TUBB4B: variants seen among roughly 807,000 people sequenced by gnomAD.
The protein encoded by TUBB4B is tubulin beta 4B class IVb.
In TUBB4B, 7 loss-of-function variants were observed where a neutral mutation model predicts 34.3. The observed-to-expected ratio is 0.20, with a 90% CI of 0.12 to 0.38. TUBB4B has a LOEUF of 0.38. Ranked by LOEUF, TUBB4B falls within the 10% of genes least tolerant of loss-of-function variation. The pLI, the probability that TUBB4B is intolerant of heterozygous loss-of-function variation, is 1.00. For missense variants in TUBB4B, 178 were observed against 610.9 expected (o/e 0.29, Z 7.47); for synonymous variants, 390 against 250.2 (o/e 1.56, Z -5.27).
chr9:137,243,103 T>C lies in TUBB4B; in HGVS notation c.885T>C (p.Asp295=), dbSNP rs1836790564. The change falls in exon 4 of 4, where the codon GAT becomes GAC. Residue 295 remains aspartate (D), a synonymous_variant. Transcript: ENST00000340384. ...TVPELTQQMF[D]AKNMMAACDP... is the part of the protein sequence containing the mutation. ...CCGAGCTCACCCAGCAGATGTTTGA[T>C]GCCAAGAACATGATGGCTGCCTGCG... The C allele has an allele frequency of 6.2e-7, 1 of 1,612,998 alleles. No individual in the cohort carries two copies. Among genetic ancestry groups the C allele is most frequent in the Non-Finnish European group, 8.5e-7 (1 of 1,180,024 alleles).
chr9:137,241,561 C>T (rs1337116350), intron 1 of TUBB4B, 144 bp downstream of exon 1: 3 of 850,476 alleles, frequency 3.5e-6, no homozygotes, highest in Non-Finnish European at 2.9e-6. Flanking sequence ...CCGAGCCGGG[C>T]GACCGAAGCC....
rs1233590806 is a variant in TUBB4B at position 137,241,300 on chromosome 9, C to G, written c.-61C>G. The G allele has an allele frequency of 3.8e-6, 6 of 1,562,668 alleles. No homozygotes were observed. The highest frequency in any genetic ancestry group is 4.8e-5 in the East Asian group (2 of 41,712). The stretch of plus-strand genomic sequence containing the variant: ...AGCGTCGGTTGTAGCACTCTGCGCG[C>G]CCGCTCTTCTGCTGCTGTTTGTCTA... On this transcript the variant is annotated 5_prime_UTR_variant, in exon 1 of 4. Transcript: ENST00000340384.
chr9:137,243,190 G>A lies in TUBB4B; in HGVS notation c.972G>A (p.Lys324=), dbSNP rs747074678. The A allele has an allele frequency of 3.1e-6, 5 of 1,613,206 alleles. No homozygotes were observed. The highest frequency in any genetic ancestry group is 4.5e-5 in the East Asian group (2 of 44,896). The change falls in exon 4 of 4, where the codon AAG becomes AAA. Residue 324 remains lysine (K), a synonymous_variant. Transcript: ENST00000340384. The part of the protein sequence containing the change: ...AAVFRGRMSM[K]EVDEQMLNVQ... ...TGTTCAGGGGCCGCATGTCCATGAA[G>A]GAGGTGGATGAGCAAATGCTTAATG...
rs560196989 is a variant in TUBB4B, at chr9:137,243,685, A to C, written c.*129A>C. 1.6e-5 allele frequency: 26 copies of C among 1,614,062 alleles called. No individual in the cohort carries two copies. The highest frequency in any genetic ancestry group is 1.5e-4 in the South Asian group (14 of 91,066). The stretch of plus-strand genomic sequence containing the variant: ...TCCACATCCATGCTGTACAGACACC[A>C]CCATTAAAGCATTTTCATAGTGTGT... On this transcript the variant is annotated 3_prime_UTR_variant, in exon 4 of 4. Transcript: ENST00000340384.
At position 137,241,818 on chromosome 9, in the gene TUBB4B, A is replaced by G. The variant is rs746556937; in HGVS notation, c.155A>G (p.Asn52Ser). 8.7e-6 allele frequency: 14 copies of G among 1,612,126 alleles called. No homozygotes were observed. Among genetic ancestry groups the G allele is most frequent in the African/African-American group, 1.3e-5 (1 of 74,882 alleles). Residue 52 changes from asparagine to serine, a missense_variant, in exon 2 of 4, where the codon AAT becomes AGT. Coordinates refer to ENST00000340384, the MANE Select transcript of TUBB4B (RefSeq NM_006088.6). ...CTGGAACGCATCAACGTGTACTACA[A>G]TGAGGCCACCGGTGAGGCCCCGGCC... ...LQLERINVYY[N>S]EATGGKYVPR...
At chr9:137,242,355 G>C in intron 3 of TUBB4B, 141 bp from the exon 4 acceptor site, 1 of 1,031,592 alleles carries the variant, frequency 9.7e-7, no homozygotes, top group Non-Finnish European at 1.4e-6. Flanking sequence ...GCCGTCTTTT[G>C]GCTTTGAAGG....
Position 137,242,905 on chromosome 9 carries a change from G to A in TUBB4B, c.687G>A (p.Val229=), listed in dbSNP as rs139773042. 44 of 1,613,152 alleles carry A rather than the reference G, an allele frequency of 2.7e-5. No individual in the cohort carries two copies. The South Asian group carries it at 3.4e-4, about 12-fold the overall frequency. The change falls in exon 4 of 4, where the codon GTG becomes GTA. Residue 229 remains valine, a synonymous_variant. Transcript: ENST00000340384. ...TPTYGDLNHL[V]SATMSGVTTC... is the part of the protein sequence containing the mutation. ...CCTATGGTGACCTGAACCACCTGGTGTCTGCTACCATGAGTGGGGTCACCA... is the reference window on the plus strand; with the variant it reads ...CCTATGGTGACCTGAACCACCTGGTATCTGCTACCATGAGTGGGGTCACCA...
At position 137,241,948 on chromosome 9, in the gene TUBB4B, G is replaced by A. The variant is rs904782014; in HGVS notation, c.204G>A (p.Leu68=). 14 of 1,611,536 alleles carry A rather than the reference G, an allele frequency of 8.7e-6. No homozygotes were observed. In the Admixed American group the frequency reaches 1.3e-4, roughly 15 times the overall value. The change falls in exon 3 of 4, where the codon CTG becomes CTA. Residue 68 remains leucine (L), a synonymous_variant. Coordinates refer to ENST00000340384, the MANE Select transcript of TUBB4B (RefSeq NM_006088.6). ...TGCCCCGCGCCGTGCTCGTGGATCT[G>A]GAGCCCGGCACCATGGACTCCGTGC... The part of the protein sequence containing the change: ...KYVPRAVLVD[L]EPGTMDSVRS...
At chr9:137,242,414 T>C (rs998130126) in intron 3 of TUBB4B, 82 bp from the exon 4 acceptor site, 29 of 1,517,372 alleles carry the variant, frequency 1.9e-5, no homozygotes, top group Admixed American at 1.3e-4. Flanking sequence ...GCTCACACCA[T>C]GTCACTCGGC....
rs372125446 is a variant in TUBB4B, at chr9:137,242,479, G to A, written c.278-17G>A. On this transcript the variant is annotated splice_polypyrimidine_tract_variant and intron_variant, in intron 3 of 3. Transcript: ENST00000340384. ...TGTCTACCTGGCTGACAAATGATTA[G>A]CTGTGTTCTCTCACAGGTCAGAGTG... 3 of 1,607,622 alleles carry A rather than the reference G, an allele frequency of 1.9e-6. No homozygotes were observed. The highest frequency in any genetic ancestry group is 1.1e-5 in the South Asian group (1 of 90,560).
chr9:137,242,473 T>C (rs758149907), intron 3 of TUBB4B, 23 bp from the exon 4 acceptor site: 5 of 1,603,822 alleles, frequency 3.1e-6, no homozygotes, highest in East Asian at 4.5e-5. Flanking sequence ...GGCTGACAAA[T>C]GATTAGCTGT....
chr9:137,242,344 T>C, intron 3 of TUBB4B, 152 bp from the exon 4 acceptor site: 1 of 923,672 alleles, frequency 1.1e-6, no homozygotes, highest in South Asian at 1.7e-5. Context: ...CAGGGCAGGC[T>C]GCCGTCTTTT....
At chr9:137,242,116 G>T in intron 3 of TUBB4B, 95 bp downstream of exon 3, 2 of 1,238,984 alleles carry the variant, frequency 1.6e-6, no homozygotes, top group Non-Finnish European at 2.2e-6. Flanking sequence ...GCCCCTGGAC[G>T]CCCTCCTCTT....
At position 137,241,334 on chromosome 9, in the gene TUBB4B, T is replaced by G. The variant is rs1358168718; in HGVS notation, c.-27T>G. The stretch of plus-strand genomic sequence containing the variant: ...CTGCTGCTGTTTGTCTACTTCCTCC[T>G]GCTTCCCCGCCGCCGCCGCCGCCAT... On this transcript the variant is annotated 5_prime_UTR_variant, in exon 1 of 4. Coordinates refer to ENST00000340384, the MANE Select transcript of TUBB4B (RefSeq NM_006088.6). 1 of 1,590,854 alleles carries G rather than the reference T, an allele frequency of 6.3e-7. No individual in the cohort carries two copies. The highest frequency in any genetic ancestry group is 2.3e-5 in the East Asian group (1 of 43,624).
In TUBB4B at chr9:137,242,990, G is replaced by A; in HGVS notation, c.772G>A (p.Val258Ile). 1 of 1,612,890 alleles carries A rather than the reference G, an allele frequency of 6.2e-7. No homozygotes were observed. Among genetic ancestry groups the A allele is most frequent in the Non-Finnish European group, 8.5e-7 (1 of 1,179,998 alleles). The part of the protein sequence containing the change: ...ADLRKLAVNM[V>I]PFPRLHFFMP... ...CCTGCGGAAGCTGGCTGTGAACATG[G>A]TCCCGTTTCCCCGGCTGCACTTCTT... The change falls in exon 4 of 4, where the codon GTC becomes ATC. Residue 258 changes from valine (V) to isoleucine (I), a missense_variant. Val to Ile is a conservative substitution (Grantham distance 29). Transcript: ENST00000340384.
At chr9:137,241,509 C>G in intron 1 of TUBB4B, 92 bp downstream of exon 1, 8 of 1,111,166 alleles carry the variant, frequency 7.2e-6, no homozygotes, top group Non-Finnish European at 8.9e-6. Context: ...CCGGGCGGCG[C>G]CCCCGCATTG....
chr9:137,241,871 C>CG (rs767545514), intron 2 of TUBB4B, 40 bp from the exon 3 acceptor site: 2 of 1,611,480 alleles, frequency 1.2e-6, no homozygotes, highest in Non-Finnish European at 1.7e-6. Context: ...CCGGGGACCC[C>CG]GCGGCCCCTG....
intron 1 of TUBB4B, 28 bp downstream of exon 1, chr9:137,241,445 C>G (rs769412533): frequency 6.5e-7 from 1 of 1,540,658 alleles, no homozygotes; most frequent in Non-Finnish European, 8.7e-7. Context: ...TGGGGCCAGG[C>G]GGGCCTGCCG....
intron 3 of TUBB4B, chr9:137,242,252 C>G (rs1422816258): frequency 3.0e-6 from 2 of 663,442 alleles, no homozygotes; most frequent in Middle Eastern, 4.2e-4. Flanking sequence ...GTGGCTGTTC[C>G]TCTGTCCTTG....
Sources: allele counts gnomAD v4.1 joint callset, GRCh38; gene constraint gnomAD v4.1.1; transcripts MANE v1.5; gene names NCBI Gene and HGNC (gene_info 2026-07-23, HGNC 2026-07-21).